The following ADPGK variants were observed in gnomAD, a reference collection of about 807,000 sequenced individuals.
ADPGK encodes ADP-dependent glucokinase.
In ADPGK, 26 loss-of-function variants were observed where a neutral mutation model predicts 42.4. The ratio of observed to expected loss-of-function variants is 0.61; its 90% CI spans 0.45 to 0.85. The LOEUF (loss-of-function observed/expected upper bound fraction) is 0.85, where lower values mean the gene tolerates loss of function less well. ADPGK is among the 40% of genes least tolerant of loss of function. The probability of loss-of-function intolerance (pLI) is 0.00; values close to 1 mark genes in which losing one functional copy is unlikely to be tolerated. For synonymous variants in ADPGK, 267 were observed against 252.6 expected (o/e 1.06, Z -0.54); for missense variants, 571 against 627.0 (o/e 0.91, Z 0.95).
At chr15:72,767,619 T>G (rs1049292821) in intron 3 of ADPGK, among the ~76,000 whole-genome samples, 4 of 152,126 alleles carry the variant, frequency 2.6e-5, no homozygotes, top group African/African-American at 9.7e-5. Context: ...CATACTGGAA[T>G]TGAAATAGAA....
At chr15:72,754,102 A>C (rs987839512) in intron 6 of ADPGK, among the ~76,000 whole-genome samples, 26 of 151,998 alleles carry the variant, frequency 1.7e-4, no homozygotes, top group African/African-American at 6.3e-4. Context: ...TATCAAAAAA[A>C]AAAAAAACAA....
chr15:72,773,876 A>T (rs1350888553), intron 2 of ADPGK, among the ~76,000 whole-genome samples: 1 of 152,230 alleles, frequency 6.6e-6, no homozygotes, highest in Non-Finnish European at 1.5e-5. Context: ...ACTTATTTTT[A>T]AAATTTTTTT....
chr15:72,772,742 T>A (rs1245111417), intron 2 of ADPGK, among the ~76,000 whole-genome samples: 1 of 152,182 alleles, frequency 6.6e-6, no homozygotes, highest in Non-Finnish European at 1.5e-5. Flanking sequence ...ATAAAAGTTT[T>A]CCTGGGAGTA....
intron 3 of ADPGK, among the ~76,000 whole-genome samples, chr15:72,766,683 C>T (rs754566003): frequency 6.6e-6 from 1 of 152,038 alleles, no homozygotes; most frequent in Non-Finnish European, 1.5e-5. Context: ...TTATTGCAGT[C>T]GTCTAGAACC....
At chr15:72,770,012 G>A (rs975506789) in intron 3 of ADPGK, among the ~76,000 whole-genome samples, 2 of 152,194 alleles carry the variant, frequency 1.3e-5, no homozygotes, top group African/African-American at 4.8e-5. Flanking sequence ...ACCACCTCTG[G>A]AAAATACCTA....
At position 72,752,411 on chromosome 15, in the gene ADPGK, C is replaced by G; in HGVS notation, c.1424G>C (p.Arg475Pro). The G allele has an allele frequency of 6.2e-7, 1 of 1,614,198 alleles. No homozygotes were observed. Reference protein sequence around the residue: ...TPVLVCKDPIRTVGLGDAISA... With the variant: ...TPVLVCKDPIPTVGLGDAISA... ...AATGGCATCTCCAAGGCCTACAGTT[C>G]GAATGGGGTCTTTACACACCAATAC... The change falls in exon 7 of 7, where the codon CGA (arginine) becomes CCA (proline). Residue 475 changes from arginine to proline, a missense_variant. Arg to Pro is a moderately radical substitution (Grantham distance 103, BLOSUM62 -2). Around this residue, in one of 2 missense-constraint regions of ADPGK, gnomAD observed 434 missense variants for 522.7 expected, o/e 0.83. Coordinates refer to ENST00000456471, the MANE Select transcript of ADPGK (RefSeq NM_001365225.1).
intron 3 of ADPGK, among the ~76,000 whole-genome samples, chr15:72,766,938 A>AT (rs754597475): frequency 5.6e-4 from 86 of 152,368 alleles, no homozygotes; most frequent in Non-Finnish European, 1.0e-3. Context: ...CTAACCTGAT[A>AT]TATCAATAAT....
At chr15:72,779,417 T>G (rs2066430020) in intron 1 of ADPGK, among the ~76,000 whole-genome samples, 1 of 151,896 alleles carries the variant, frequency 6.6e-6, no homozygotes, top group African/African-American at 2.4e-5. Context: ...CCTAATTTTT[T>G]TATTTTTAGT....
chr15:72,756,135 C>T, intron 5 of ADPGK, 116 bp downstream of exon 5: 2 of 1,314,892 alleles, frequency 1.5e-6, no homozygotes, highest in Non-Finnish European at 2.2e-6. Flanking sequence ...AGCCAGCTGC[C>T]AAGATATGTC....
intron 6 of ADPGK, among the ~76,000 whole-genome samples, chr15:72,754,798 C>T (rs1397666616): frequency 1.3e-5 from 2 of 152,056 alleles, no homozygotes; most frequent in African/African-American, 2.4e-5. Context: ...AAGTGAAGAA[C>T]AGAGTATTCA....
chr15:72,775,136 C>A, intron 1 of ADPGK, 39 bp from the exon 2 acceptor site: 1 of 1,537,796 alleles, frequency 6.5e-7, no homozygotes, highest in Non-Finnish European at 9.0e-7. Flanking sequence ...GCAGCAGAAG[C>A]ACCAAGTAGC....
intron 1 of ADPGK, 89 bp from the exon 2 acceptor site, chr15:72,775,186 T>A: frequency 8.8e-7 from 1 of 1,136,134 alleles, no homozygotes; most frequent in Non-Finnish European, 1.3e-6. Context: ...TCTCAGAACC[T>A]TATTCAACAG....
chr15:72,769,993 GCTATAATTACCACCT>G (rs1442697809), intron 3 of ADPGK, among the ~76,000 whole-genome samples: 1 of 152,228 alleles, frequency 6.6e-6, no homozygotes, highest in Non-Finnish European at 1.5e-5. Flanking sequence ...GGAAGTGCCA[GCTATAATTACCACCT>G]CTGGAAAATA....
At chr15:72,774,054 G>A (rs1413386183) in intron 2 of ADPGK, among the ~76,000 whole-genome samples, 1 of 152,090 alleles carries the variant, frequency 6.6e-6, no homozygotes, top group African/African-American at 2.4e-5. Context: ...TGTTGCCCAG[G>A]CTGGTCTCAA....
At chr15:72,781,390 C>T (rs1316070658) in intron 1 of ADPGK, among the ~76,000 whole-genome samples, 1 of 152,228 alleles carries the variant, frequency 6.6e-6, no homozygotes, top group African/African-American at 2.4e-5. Context: ...CGCTCCAAAA[C>T]AAGGCCGACC....
intron 3 of ADPGK, among the ~76,000 whole-genome samples, chr15:72,766,653 A>ATTTTATTGCAGTATTTG (rs1259133688): frequency 2.0e-5 from 3 of 152,228 alleles, no homozygotes; most frequent in African/African-American, 7.2e-5. Flanking sequence ...CATGCGTTTT[A>ATTTTATTGCAGTATTTG]TTTTATTGCA....
intron 5 of ADPGK, 104 bp from the exon 6 acceptor site, chr15:72,755,758 C>A: frequency 1.2e-6 from 1 of 865,912 alleles, no homozygotes. Flanking sequence ...TGGTAATGGC[C>A]TTCTTTGCAT....
At chr15:72,774,814 C>T (rs1236288177) in intron 2 of ADPGK, 58 bp downstream of exon 2, 6 of 1,479,530 alleles carry the variant, frequency 4.1e-6, no homozygotes, top group Non-Finnish European at 5.6e-6. Context: ...CTTCTAGGAA[C>T]CATATTAAAA....
intron 3 of ADPGK, among the ~76,000 whole-genome samples, chr15:72,761,770 C>T (rs1027046105): frequency 2.0e-5 from 3 of 151,470 alleles, no homozygotes; most frequent in Non-Finnish European, 4.4e-5. Flanking sequence ...GCAATCATAG[C>T]TCACCACAGC....
Sources: gnomAD v4.1 joint callset for allele counts (sites outside exome capture counted in the v4.1 genomes callset) on GRCh38, gnomAD v4.1.1 for gene constraint, gnomAD v4.1.1 regional missense constraint, MANE v1.5 for transcripts, NCBI Gene and HGNC (gene_info 2026-07-23, HGNC 2026-07-21) for gene names.